The following TSC22D3 variants were observed in gnomAD, a reference collection of about 807,000 sequenced individuals.
TSC22D3 encodes TSC22 domain family member 3, also known as TSC22 domain family protein 3.
A neutral mutation model predicts 11.1 loss-of-function variants in TSC22D3; 4 were observed. The ratio of observed to expected loss-of-function variants is 0.36; its 90% CI spans 0.18 to 0.83. The LOEUF (loss-of-function observed/expected upper bound fraction) is 0.83. TSC22D3 is among the 40% of genes least tolerant of loss of function. The probability of loss-of-function intolerance (pLI) is 0.48; values close to 1 mark genes in which losing one functional copy is unlikely to be tolerated. For missense variants in TSC22D3, 118 were observed against 159.4 expected (o/e 0.74, Z 1.40); for synonymous variants, 77 against 70.3 (o/e 1.10, Z -0.48).
intron 2 of TSC22D3, 59 bp from the exon 3 acceptor site, chrX:107,714,808 A>G: frequency 1.8e-6 from 2 of 1,091,679 alleles, no homozygotes; most frequent in Non-Finnish European, 1.3e-6. Context: ...CCTCTGCAGC[A>G]CCTTTGCTCT....
intron 1 of TSC22D3, among the ~76,000 whole-genome samples, chrX:107,756,095 A>C (rs918085585): frequency 1.8e-5 from 2 of 111,544 alleles, no homozygotes; most frequent in South Asian, 7.6e-4. Flanking sequence ...ATCTCAAACC[A>C]TACTGTACGG....
At chrX:107,773,846 G>A (rs918727537) in intron 1 of TSC22D3, among the ~76,000 whole-genome samples, 1 of 111,737 alleles carries the variant, frequency 8.9e-6, no homozygotes, top group Non-Finnish European at 1.9e-5. Flanking sequence ...AGTGAGAATA[G>A]CGCCTGCCTT....
intron 1 of TSC22D3, among the ~76,000 whole-genome samples, chrX:107,727,995 C>T (rs1029816715): frequency 2.7e-5 from 3 of 111,701 alleles, no homozygotes; most frequent in African/African-American, 6.5e-5. Context: ...GACAGGACCA[C>T]GACTGAAAAT....
intron 1 of TSC22D3, among the ~76,000 whole-genome samples, chrX:107,761,500 G>A (rs1050703252): frequency 2.7e-4 from 30 of 112,429 alleles, no homozygotes; most frequent in African/African-American, 8.7e-4. Context: ...CACTGCTGGG[G>A]GTCAATTTCA....
intron 1 of TSC22D3, among the ~76,000 whole-genome samples, chrX:107,751,635 T>A (rs1473208517): frequency 5.3e-5 from 6 of 112,343 alleles, no homozygotes; most frequent in African/African-American, 1.9e-4. Flanking sequence ...CTTCCGTAAG[T>A]GCCTGCCTGG....
chrX:107,754,004 C>T (rs1237037994), intron 1 of TSC22D3, among the ~76,000 whole-genome samples: 1 of 109,911 alleles, frequency 9.1e-6, no homozygotes. Flanking sequence ...CAACCTCCGC[C>T]TCCCAGGTTC....
chrX:107,746,467 C>T (rs1244994522), intron 1 of TSC22D3, among the ~76,000 whole-genome samples: 2 of 110,789 alleles, frequency 1.8e-5, no homozygotes, highest in East Asian at 5.6e-4. Context: ...GGCACACATA[C>T]CTCCTTCACA....
intron 1 of TSC22D3, among the ~76,000 whole-genome samples, chrX:107,742,183 G>T (rs1328783141): frequency 9.1e-6 from 1 of 109,499 alleles, no homozygotes; most frequent in Non-Finnish European, 1.9e-5. Context: ...CAGAAAGTCA[G>T]TGCCACAGAG....
At chrX:107,716,628 C>T in intron 1 of TSC22D3, 1 of 1,056,538 alleles carries the variant, frequency 9.5e-7, no homozygotes, top group Non-Finnish European at 1.2e-6. Flanking sequence ...AGACCGGGCT[C>T]CTAGCCCAGC....
chrX:107,762,815 T>A (rs1215441558), intron 1 of TSC22D3, among the ~76,000 whole-genome samples: 1 of 105,445 alleles, frequency 9.5e-6, no homozygotes, highest in African/African-American at 3.4e-5. Flanking sequence ...TTCTTATATT[T>A]GCTTTAAAAA....
At chrX:107,729,134 G>T (rs1487482111) in intron 1 of TSC22D3, among the ~76,000 whole-genome samples, 1 of 112,449 alleles carries the variant, frequency 8.9e-6, no homozygotes, top group Admixed American at 9.3e-5. Context: ...GAGCAGCAAG[G>T]CTGCCTTGGG....
chrX:107,737,162 C>T (rs1005198302), intron 1 of TSC22D3, among the ~76,000 whole-genome samples: 2 of 111,897 alleles, frequency 1.8e-5, no homozygotes, highest in African/African-American at 3.3e-5. Context: ...GGCCAGACCA[C>T]GGCTCCCAGG....
chrX:107,731,512 G>A (rs1927879558), intron 1 of TSC22D3, among the ~76,000 whole-genome samples: 1 of 111,729 alleles, frequency 9.0e-6, no homozygotes, highest in Admixed American at 9.5e-5. Flanking sequence ...ATTTAGACTG[G>A]GAGCTATATC....
At chrX:107,757,574 A>G (rs1929233762) in intron 1 of TSC22D3, among the ~76,000 whole-genome samples, 1 of 112,329 alleles carries the variant, frequency 8.9e-6, no homozygotes, top group South Asian at 3.7e-4. Context: ...TTCCAGATGT[A>G]GCCCATATTT....
intron 1 of TSC22D3, among the ~76,000 whole-genome samples, chrX:107,770,234 A>G (rs1307727179): frequency 8.9e-6 from 1 of 111,943 alleles, no homozygotes; most frequent in Non-Finnish European, 1.9e-5. Context: ...GGAATTTTAG[A>G]TGGTACATGG....
intron 1 of TSC22D3, among the ~76,000 whole-genome samples, chrX:107,740,763 G>A (rs1928367823): frequency 9.1e-6 from 1 of 110,219 alleles, no homozygotes. Context: ...AACCAAAACT[G>A]GTGTCTGCCA....
intron 1 of TSC22D3, among the ~76,000 whole-genome samples, chrX:107,732,766 C>T (rs1057018420): frequency 1.8e-5 from 2 of 110,640 alleles, no homozygotes; most frequent in African/African-American, 6.6e-5. Flanking sequence ...CCCTGGGAGT[C>T]GGAAGGCTAA....
intron 1 of TSC22D3, among the ~76,000 whole-genome samples, chrX:107,770,994 G>A (rs1671217430): frequency 8.9e-6 from 1 of 112,331 alleles, no homozygotes; most frequent in Admixed American, 9.4e-5. Flanking sequence ...CCCTAGGACT[G>A]TTCCAGTTTG....
At chrX:107,728,928 A>G (rs1446732524) in intron 1 of TSC22D3, among the ~76,000 whole-genome samples, 5 of 111,460 alleles carry the variant, frequency 4.5e-5, no homozygotes, top group Non-Finnish European at 7.5e-5. Context: ...GGGCCTCACA[A>G]TGGGTCCTGG....
Sources: gnomAD v4.1 joint callset for allele counts (sites outside exome capture counted in the v4.1 genomes callset) on GRCh38, gnomAD v4.1.1 for gene constraint, MANE v1.5 for transcripts, NCBI Gene and HGNC (gene_info 2026-07-23, HGNC 2026-07-21) for gene names.